PGGT1B: variants seen among roughly 807,000 people sequenced by gnomAD.
The protein encoded by PGGT1B is geranylgeranyl transferase type-1 subunit beta.
Under a neutral mutation model 46.1 loss-of-function variants are expected in PGGT1B, and 30 were observed. That is an observed-to-expected ratio of 0.65 (90% CI 0.49 to 0.88). The LOEUF is 0.88. Among genes scored for constraint, PGGT1B ranks in the 40% least tolerant of loss-of-function variants. The pLI, the probability that PGGT1B is intolerant of heterozygous loss-of-function variation, is 0.00. For missense variants in PGGT1B, 376 were observed against 455.9 expected (o/e 0.82, Z 1.60); for synonymous variants, 170 against 160.0 (o/e 1.06, Z -0.47).
intron 1 of PGGT1B, among the ~76,000 whole-genome samples, chr5:115,254,794 T>C (rs2127031599): frequency 6.6e-6 from 1 of 152,252 alleles, no homozygotes; most frequent in Non-Finnish European, 1.5e-5. Context: ...ATTGAGAGAC[T>C]ATTACCATGT....
At chr5:115,241,058 T>C (rs149370920) in intron 3 of PGGT1B, among the ~76,000 whole-genome samples, 106 of 152,288 alleles carry the variant, frequency 7.0e-4, no homozygotes, top group Non-Finnish European at 1.3e-3. Context: ...TAAAAGTCAT[T>C]AAAATAATCA....
chr5:115,235,298 G>A (rs1338211121), intron 5 of PGGT1B, among the ~76,000 whole-genome samples: 1 of 152,128 alleles, frequency 6.6e-6, no homozygotes, highest in East Asian at 1.9e-4. Context: ...AATAAATGCA[G>A]AGAGAAAGTT....
At chr5:115,221,627 G>T (rs72813824) in intron 7 of PGGT1B, among the ~76,000 whole-genome samples, 197 bp downstream of exon 7, 7,232 of 152,004 alleles carry the variant, frequency 0.048, 241 homozygotes, top group Non-Finnish European at 0.067. Flanking sequence ...TTCCAAGAAT[G>T]AAAATTTTCA....
chr5:115,234,771 G>T (rs1292812455), intron 5 of PGGT1B, among the ~76,000 whole-genome samples: 1 of 151,974 alleles, frequency 6.6e-6, no homozygotes, highest in African/African-American at 2.4e-5. Flanking sequence ...AAGGACGAAA[G>T]TTAAAATGAG....
At chr5:115,236,673 C>G (rs1757193179) in intron 4 of PGGT1B, 151 bp from the exon 5 acceptor site, 2 of 506,602 alleles carry the variant, frequency 3.9e-6, no homozygotes, top group East Asian at 7.0e-5. Context: ...TTTTATTATT[C>G]AATAAAGAAT....
rs536217400 is a variant in PGGT1B, at chr5:115,230,862, T to C, written c.658+114A>G. 9.6e-5 allele frequency: 65 copies of C among 679,876 alleles called. 3 individuals are homozygous for C. In the South Asian group the frequency reaches 1.1e-3, roughly 11 times the overall value. 42.1% of individuals were successfully genotyped at this position (679,876 alleles called of 1,614,324 possible). On this transcript the variant is annotated intron_variant, in intron 6 of 8. Coordinates refer to ENST00000419445, the MANE Select transcript of PGGT1B (RefSeq NM_005023.4). ...ATCAGGAAAGTGACAAAGAAGAAAA[T>C]TATGCTGCACCAAGGGTTGAGAAAA...
intron 2 of PGGT1B, among the ~76,000 whole-genome samples, chr5:115,251,956 C>G (rs965090848): frequency 6.6e-6 from 1 of 152,050 alleles, no homozygotes; most frequent in Non-Finnish European, 1.5e-5. Context: ...GGGAAAACAA[C>G]AATTGACATG....
intron 2 of PGGT1B, among the ~76,000 whole-genome samples, chr5:115,251,402 T>TA (rs1342998557): frequency 6.6e-6 from 1 of 152,076 alleles, no homozygotes; most frequent in Non-Finnish European, 1.5e-5. Flanking sequence ...TAAAACAACA[T>TA]AGATATAATA....
At chr5:115,214,248 T>C (rs1756338407) in intron 8 of PGGT1B, among the ~76,000 whole-genome samples, 1 of 152,164 alleles carries the variant, frequency 6.6e-6, no homozygotes, top group South Asian at 2.1e-4. Context: ...AAAAAGATTT[T>C]TGTAACAGCC....
chr5:115,232,112 G>C (rs1757006753), intron 5 of PGGT1B, among the ~76,000 whole-genome samples: 1 of 152,034 alleles, frequency 6.6e-6, no homozygotes, highest in Admixed American at 6.6e-5. Flanking sequence ...AAAGATGAAA[G>C]TGCAGTAAAG....
chr5:115,214,777 T>A (rs1159877537), intron 8 of PGGT1B, among the ~76,000 whole-genome samples: 3 of 152,208 alleles, frequency 2.0e-5, no homozygotes, highest in African/African-American at 7.2e-5. Flanking sequence ...ACAAGAAATG[T>A]TTCCTAAGAG....
At chr5:115,236,149 T>G (rs191503027) in intron 5 of PGGT1B, among the ~76,000 whole-genome samples, 13 of 152,218 alleles carry the variant, frequency 8.5e-5, no homozygotes, top group Non-Finnish European at 1.9e-4. Flanking sequence ...AGTCAACCAA[T>G]CCCTTTCTTA....
chr5:115,213,602 T>A (rs897563624), intron 8 of PGGT1B, among the ~76,000 whole-genome samples: 4 of 152,042 alleles, frequency 2.6e-5, no homozygotes, highest in African/African-American at 9.7e-5. Flanking sequence ...TGAAGCTCCA[T>A]CTCTACAAAA....
At chr5:115,230,883 GA>G in intron 6 of PGGT1B, 92 bp downstream of exon 6, 3 of 769,106 alleles carry the variant, frequency 3.9e-6, no homozygotes, top group Non-Finnish European at 6.7e-6. Context: ...CAAGGGTTGA[GA>G]AAAACTTCTG....
chr5:115,250,575 A>G (rs1452816864), intron 2 of PGGT1B, among the ~76,000 whole-genome samples: 1 of 152,218 alleles, frequency 6.6e-6, no homozygotes, highest in East Asian at 1.9e-4. Context: ...CATGGAGTTG[A>G]CAGTTTAATG....
chr5:115,215,539 C>T (rs748054809), intron 8 of PGGT1B, among the ~76,000 whole-genome samples: 11 of 151,806 alleles, frequency 7.2e-5, no homozygotes, highest in East Asian at 1.9e-4. Context: ...CTCAAGTGAT[C>T]CGCCCACCTC....
At chr5:115,259,397 T>G (rs534962302) in intron 1 of PGGT1B, among the ~76,000 whole-genome samples, 84 of 152,170 alleles carry the variant, frequency 5.5e-4, no homozygotes, top group African/African-American at 2.0e-3. Flanking sequence ...GTGATATATT[T>G]AAGATAAGGG....
intron 1 of PGGT1B, among the ~76,000 whole-genome samples, chr5:115,258,817 G>A (rs942481306): frequency 6.6e-6 from 1 of 152,086 alleles, no homozygotes; most frequent in Non-Finnish European, 1.5e-5. Context: ...AAAATCATCT[G>A]GGCACTTGTC....
intron 7 of PGGT1B, among the ~76,000 whole-genome samples, chr5:115,218,136 T>G (rs558053973): frequency 2.6e-5 from 4 of 151,856 alleles, no homozygotes; most frequent in Non-Finnish European, 5.9e-5. Context: ...CGGGTAACAA[T>G]TTGTTGGAAA....
Sources: gnomAD v4.1 joint callset for allele counts (sites outside exome capture counted in the v4.1 genomes callset) on GRCh38, gnomAD v4.1.1 for gene constraint, MANE v1.5 for transcripts, NCBI Gene and HGNC (gene_info 2026-07-23, HGNC 2026-07-21) for gene names.